NTRK2: variants seen among roughly 807,000 people sequenced by gnomAD.
NTRK2 encodes BDNF/NT-3 growth factors receptor.
Under a neutral mutation model 94.5 loss-of-function variants are expected in NTRK2, and 13 were observed. The ratio of observed to expected loss-of-function variants is 0.14; its 90% CI spans 0.09 to 0.22. NTRK2 has a LOEUF of 0.22. Ranked by LOEUF, NTRK2 falls within the 10% of genes least tolerant of loss-of-function variation. The pLI is 1.00. For synonymous variants in NTRK2, 372 were observed against 407.4 expected, an observed-to-expected ratio of 0.91 and a Z score of 1.05; for missense variants, 639 against 1,071.2, an observed-to-expected ratio of 0.60 and a Z score of 5.63.
intron 9 of NTRK2, among the ~76,000 whole-genome samples, chr9:84,730,479 G>A (rs1240337826): frequency 7.9e-6 from 1 of 127,260 alleles, no homozygotes. Context: ...GGTGGCTCAC[G>A]CCTGTAATCC....
At chr9:85,013,340 T>C (rs1339187620) in intron 17 of NTRK2, among the ~76,000 whole-genome samples, 1 of 152,186 alleles carries the variant, frequency 6.6e-6, no homozygotes, top group Admixed American at 6.5e-5. Flanking sequence ...TCTCACTCTG[T>C]CACCCAGGCT....
intron 17 of NTRK2, among the ~76,000 whole-genome samples, chr9:84,976,504 A>AT (rs1211382505): frequency 6.6e-6 from 1 of 152,220 alleles, no homozygotes; most frequent in African/African-American, 2.4e-5. Context: ...TCGACACTGA[A>AT]TTACCGTAGT....
intron 12 of NTRK2, among the ~76,000 whole-genome samples, chr9:84,804,005 C>T (rs1452613021): frequency 1.3e-5 from 2 of 152,068 alleles, no homozygotes; most frequent in Non-Finnish European, 2.9e-5. Context: ...CACATAAGCC[C>T]CCCTGATTGT....
chr9:84,757,051 T>A (rs1433983733), intron 12 of NTRK2, among the ~76,000 whole-genome samples: 1 of 152,234 alleles, frequency 6.6e-6, no homozygotes, highest in Non-Finnish European at 1.5e-5. Context: ...TTAACAGATA[T>A]TTGGATCAAC....
In NTRK2 at chr9:85,024,184, A is replaced by C. The variant is rs569448819; in HGVS notation, c.*2747A>C. ...GATTTCAGAGACATCTCAAATTGAAAGAATATCAGATTGCTTTTAAAGTAG... is the reference window on the plus strand; with the variant it reads ...GATTTCAGAGACATCTCAAATTGAACGAATATCAGATTGCTTTTAAAGTAG... On this transcript the variant is annotated 3_prime_UTR_variant, in exon 19 of 19. Coordinates refer to ENST00000277120, the MANE Select transcript of NTRK2 (RefSeq NM_006180.6). The C allele has an allele frequency of 4.3e-6, 1 of 232,254 alleles. No individual in the cohort carries two copies. The highest frequency in any genetic ancestry group is 6.1e-5 in the East Asian group (1 of 16,370). The allele number at this position is 232,254 out of a possible 1,614,324, so 14.4% of individuals were successfully genotyped here. A position where few individuals can be genotyped will look rare whatever the true frequency, so the allele number is the denominator to read the frequency against.
chr9:84,881,420 A>G (rs554781103), intron 14 of NTRK2, among the ~76,000 whole-genome samples: 3 of 152,236 alleles, frequency 2.0e-5, no homozygotes, highest in African/African-American at 2.4e-5. Flanking sequence ...AATGACTGAT[A>G]TAAAAAATTG....
chr9:84,972,695 T>C (rs1306056305), intron 17 of NTRK2, among the ~76,000 whole-genome samples: 13 of 152,342 alleles, frequency 8.5e-5, no homozygotes. Flanking sequence ...GAATTCCTAG[T>C]AATACATGCA....
intron 12 of NTRK2, chr9:84,814,399 C>A (rs1388686154): frequency 1.9e-5 from 20 of 1,065,544 alleles, no homozygotes; most frequent in Non-Finnish European, 2.0e-5. Context: ...CCCGCTTTCT[C>A]TCTCCTCTTC....
intron 17 of NTRK2, among the ~76,000 whole-genome samples, chr9:84,986,915 C>T (rs1828387068): frequency 6.6e-6 from 1 of 152,136 alleles, no homozygotes; most frequent in African/African-American, 2.4e-5. Flanking sequence ...CAAAAGTATC[C>T]TTTAGATTAG....
intron 12 of NTRK2, among the ~76,000 whole-genome samples, chr9:84,850,261 T>A (rs1051908686): frequency 6.6e-6 from 1 of 151,826 alleles, no homozygotes; most frequent in South Asian, 2.1e-4. Flanking sequence ...AGACACCAAA[T>A]CTGAAAGCTG....
chr9:84,985,640 ACT>A (rs1828201467), intron 17 of NTRK2, among the ~76,000 whole-genome samples: 1 of 152,108 alleles, frequency 6.6e-6, no homozygotes, highest in South Asian at 2.1e-4. Flanking sequence ...ATTGAAATCT[ACT>A]CTCTTTGAAT....
chr9:84,790,137 A>G (rs1269030904), intron 12 of NTRK2, among the ~76,000 whole-genome samples: 3 of 152,204 alleles, frequency 2.0e-5, no homozygotes, highest in African/African-American at 7.2e-5. Context: ...TCTATATGCC[A>G]GTACTCTCTC....
At chr9:84,851,888 T>G (rs2074791982) in intron 12 of NTRK2, among the ~76,000 whole-genome samples, 1 of 152,240 alleles carries the variant, frequency 6.6e-6, no homozygotes, top group Non-Finnish European at 1.5e-5. Flanking sequence ...ATTTGCATGT[T>G]TTATATATGT....
intron 14 of NTRK2, among the ~76,000 whole-genome samples, chr9:84,918,532 AT>A (rs2077465584): frequency 6.6e-6 from 1 of 152,208 alleles, no homozygotes; most frequent in Admixed American, 6.5e-5. Flanking sequence ...CATGAGTGTA[AT>A]CTTTTTACTT....
intron 17 of NTRK2, among the ~76,000 whole-genome samples, chr9:84,978,267 G>T (rs934516276): frequency 6.6e-6 from 1 of 152,202 alleles, no homozygotes; most frequent in Non-Finnish European, 1.5e-5. Flanking sequence ...TGAATGCAAA[G>T]AATAAGTCCT....
chr9:84,882,261 T>G (rs2076276395), intron 14 of NTRK2, among the ~76,000 whole-genome samples: 1 of 152,166 alleles, frequency 6.6e-6, no homozygotes, highest in Non-Finnish European at 1.5e-5. Flanking sequence ...TGCAGCCAGT[T>G]TAACTGATGA....
chr9:84,892,677 T>C (rs1242540199), intron 14 of NTRK2, among the ~76,000 whole-genome samples: 2 of 152,156 alleles, frequency 1.3e-5, no homozygotes, highest in East Asian at 3.9e-4. Context: ...TCCCAACACT[T>C]TGGGAGGCCA....
At chr9:84,838,104 G>C (rs2131744611) in intron 12 of NTRK2, among the ~76,000 whole-genome samples, 1 of 152,264 alleles carries the variant, frequency 6.6e-6, no homozygotes, top group Non-Finnish European at 1.5e-5. Flanking sequence ...CTATAATCTG[G>C]CTGGATACCA....
At chr9:84,829,361 G>T in intron 12 of NTRK2, among the ~76,000 whole-genome samples, 1 of 151,028 alleles carries the variant, frequency 6.6e-6, no homozygotes. Flanking sequence ...TATGAATTTT[G>T]TTTGTTTGTT....
Sources: gnomAD v4.1 joint callset for allele counts (sites outside exome capture counted in the v4.1 genomes callset) on GRCh38, gnomAD v4.1.1 for gene constraint, MANE v1.5 for transcripts, NCBI Gene and HGNC (gene_info 2026-07-23, HGNC 2026-07-21) for gene names.